The following FREM1 variants were observed in gnomAD, a reference collection of about 807,000 sequenced individuals.
FREM1 encodes FRAS1-related extracellular matrix protein 1.
FREM1 carries 220 observed loss-of-function variants against 210.1 expected under a neutral mutation model. The observed-to-expected ratio is 1.05, with a 90% confidence interval of 0.94 to 1.17. The LOEUF (loss-of-function observed/expected upper bound fraction) is 1.17, where lower values mean the gene tolerates loss of function less well. FREM1 is among the 50% of genes most tolerant of loss of function. The pLI, the probability that FREM1 is intolerant of heterozygous loss-of-function variation, is 0.00. For synonymous variants in FREM1, 1,189 were observed against 980.2 expected, an observed-to-expected ratio of 1.21 and a Z score of -3.98; for missense variants, 3,454 against 2,675.5, an observed-to-expected ratio of 1.29 and a Z score of -6.42.
chr9:14,848,355 C>T (rs1468611952), intron 7 of FREM1, among the ~76,000 whole-genome samples: 1 of 152,184 alleles, frequency 6.6e-6, no homozygotes, highest in Non-Finnish European at 1.5e-5. Flanking sequence ...AGATTTCAGT[C>T]CCACTACAGC....
At chr9:14,844,385 C>T (rs1292057210) in intron 8 of FREM1, among the ~76,000 whole-genome samples, 2 of 152,086 alleles carry the variant, frequency 1.3e-5, no homozygotes, top group East Asian at 1.9e-4. Context: ...ACCACCATGC[C>T]GGGCTATTTT....
At chr9:14,850,919 T>C (rs1305549643) in intron 6 of FREM1, among the ~76,000 whole-genome samples, 2 of 152,188 alleles carry the variant, frequency 1.3e-5, no homozygotes, top group East Asian at 3.8e-4. Context: ...TTGTTTTCTA[T>C]ATTCAAGAAT....
At chr9:14,863,596 G>A (rs573530443) in intron 3 of FREM1, among the ~76,000 whole-genome samples, 2 of 152,256 alleles carry the variant, frequency 1.3e-5, no homozygotes, top group East Asian at 3.9e-4. Context: ...ATTTGCCACA[G>A]AAGAATCCTA....
At chr9:14,807,836 G>C (rs1388052730) in intron 17 of FREM1, 104 bp downstream of exon 17, 1 of 817,996 alleles carries the variant, frequency 1.2e-6, no homozygotes, top group Non-Finnish European at 1.9e-6. Context: ...AATTCCATAT[G>C]GTGGTTTTCT....
At position 14,747,725 on chromosome 9, in the gene FREM1, G is replaced by A. The variant is rs201497795; in HGVS notation, c.5800C>T (p.Arg1934Cys). Residue 1934 changes from arginine (R) to cysteine (C), a missense_variant, in exon 32 of 37, where the codon CGT becomes TGT. Coordinates refer to ENST00000380880, the MANE Select transcript of FREM1 (RefSeq NM_001379081.2). ...CCATTTCTATAAACAGAGGATGGACGAACCTGAAATTGACAGAGAACAAAA... is the reference window on the plus strand; with the variant it reads ...CCATTTCTATAAACAGAGGATGGACAAACCTGAAATTGACAGAGAACAAAA... The part of the protein sequence containing the change: ...LRTRGNGKTV[R>C]PSSVYRNGTD... The A allele has an allele frequency of 7.5e-5, 115 of 1,538,032 alleles. No individual in the cohort carries two copies. The East Asian group carries it at 1.6e-3, about 21-fold the overall frequency.
intron 1 of FREM1, among the ~76,000 whole-genome samples, chr9:14,899,830 G>A (rs1038820698): frequency 5.3e-5 from 8 of 152,220 alleles, no homozygotes; most frequent in African/African-American, 1.4e-4. Flanking sequence ...ACTCATCATG[G>A]TGGAAGGTAT....
chr9:14,810,474 C>A (rs1379208390), intron 16 of FREM1, among the ~76,000 whole-genome samples: 1 of 152,052 alleles, frequency 6.6e-6, no homozygotes, highest in Non-Finnish European at 1.5e-5. Context: ...TGAGGGAAGA[C>A]AGGGTCTCAC....
intron 5 of FREM1, 87 bp from the exon 6 acceptor site, chr9:14,851,694 G>T: frequency 2.7e-6 from 3 of 1,110,048 alleles, no homozygotes; most frequent in Non-Finnish European, 4.1e-6. Flanking sequence ...ATTTAATACA[G>T]CCACAGCCTA....
At chr9:14,773,751 T>C (rs551452478) in intron 25 of FREM1, among the ~76,000 whole-genome samples, 8 of 152,180 alleles carry the variant, frequency 5.3e-5, no homozygotes, top group African/African-American at 1.9e-4. Context: ...TTAAGATGAG[T>C]GTTGGTGTTG....
At chr9:14,895,955 C>T (rs1837638424) in intron 1 of FREM1, among the ~76,000 whole-genome samples, 1 of 152,134 alleles carries the variant, frequency 6.6e-6, no homozygotes, top group South Asian at 2.1e-4. Flanking sequence ...ACCAGAGTAA[C>T]TCCAACTTGA....
At chr9:14,824,644 A>AG (rs1424998730) in intron 11 of FREM1, among the ~76,000 whole-genome samples, 152 bp downstream of exon 11, 1 of 152,212 alleles carries the variant, frequency 6.6e-6, no homozygotes, top group East Asian at 1.9e-4. Flanking sequence ...AAGTTGTTTG[A>AG]GAAAAAAGTA....
chr9:14,809,369 T>C (rs1013707340), intron 16 of FREM1, among the ~76,000 whole-genome samples: 4 of 152,228 alleles, frequency 2.6e-5, no homozygotes, highest in Non-Finnish European at 5.9e-5. Flanking sequence ...GGAGTTTTGA[T>C]GAACCTAGGG....
chr9:14,757,143 C>G (rs1844542172), intron 28 of FREM1, among the ~76,000 whole-genome samples: 1 of 152,212 alleles, frequency 6.6e-6, no homozygotes, highest in African/African-American at 2.4e-5. Flanking sequence ...TCTAAGGAGA[C>G]TATTGATACA....
At chr9:14,746,886 C>A (rs780095104) in intron 34 of FREM1, 37 bp downstream of exon 34, 8 of 1,602,904 alleles carry the variant, frequency 5.0e-6, no homozygotes, top group Non-Finnish European at 6.0e-6. Flanking sequence ...GAGCACATTG[C>A]GAATAAAGGT....
At position 14,861,106 on chromosome 9, in the gene FREM1, T is replaced by TAC. The variant is rs1220394712; in HGVS notation, c.330-1624_330-1623dup. On this transcript the variant is annotated intron_variant, in intron 3 of 36. Transcript: ENST00000380880. ...ATATACACATATATATAAACATATA[T>TAC]ACACATATATATACATATATACACA... Among the ~76,000 whole-genome samples, 6 of 106,008 alleles carry TAC rather than the reference T, an allele frequency of 5.7e-5. 2 individuals carry two copies. Among genetic ancestry groups the TAC allele is most frequent in the Admixed American group, 4.1e-4 (4 of 9,836 alleles). 69.5% of individuals were successfully genotyped at this position (106,008 alleles called of 152,430 possible).
intron 1 of FREM1, among the ~76,000 whole-genome samples, chr9:14,872,882 C>T (rs1350965016): frequency 4.0e-5 from 6 of 151,698 alleles, no homozygotes; most frequent in East Asian, 1.9e-4. Context: ...GCATGAAGGG[C>T]TGTTGAATTT....
chr9:14,857,669 C>T lies in FREM1; in HGVS notation c.712G>A (p.Glu238Lys). ...KKIGSLKVSC[E>K]EFLLMGLRYQ... ...CGAAGGCCCATCAGCAGGAACTCCT[C>T]ACAGCTCACTTTGAGGCTTCCTATT... The change falls in exon 5 of 37, where the codon GAG becomes AAG. Residue 238 changes from glutamate to lysine, a missense_variant. Glu to Lys is a moderately conservative substitution (Grantham distance 56). Coordinates refer to ENST00000380880, the MANE Select transcript of FREM1 (RefSeq NM_001379081.2). 1.2e-6 allele frequency: 2 copies of T among 1,613,834 alleles called. No homozygotes were observed. The highest frequency in any genetic ancestry group is 2.2e-5 in the East Asian group (1 of 44,874).
chr9:14,817,994 C>G (rs1326355648), intron 14 of FREM1, among the ~76,000 whole-genome samples: 1 of 152,188 alleles, frequency 6.6e-6, no homozygotes, highest in African/African-American at 2.4e-5. Flanking sequence ...TGACTGGAGT[C>G]AAACAGATAT....
chr9:14,811,253 A>C (rs1819348596), intron 16 of FREM1, among the ~76,000 whole-genome samples: 1 of 152,118 alleles, frequency 6.6e-6, no homozygotes, highest in Non-Finnish European at 1.5e-5. Context: ...TTTTAAAAAA[A>C]ATTAGTTAAT....
Sources: allele counts gnomAD v4.1 joint callset (sites outside exome capture counted in the v4.1 genomes callset), GRCh38; gene constraint gnomAD v4.1.1; transcripts MANE v1.5; gene names NCBI Gene and HGNC (gene_info 2026-07-23, HGNC 2026-07-21).